Variants in CRYBG1 observed in about 807,000 individuals in gnomAD.
CRYBG1 encodes the protein beta/gamma crystallin domain-containing protein 1.
Under a neutral mutation model 189.2 loss-of-function variants are expected in CRYBG1, and 139 were observed. The ratio of observed to expected loss-of-function variants is 0.73; its 90% CI spans 0.64 to 0.85. CRYBG1 has a LOEUF of 0.85. CRYBG1 is among the 40% of genes least tolerant of loss of function. The probability of loss-of-function intolerance (pLI) is 0.00; values close to 1 mark genes in which losing one functional copy is unlikely to be tolerated. For synonymous variants in CRYBG1, 1,023 were observed against 1,017.1 expected (o/e 1.01, Z -0.11); for missense variants, 2,611 against 2,675.8 (o/e 0.98, Z 0.53).
chr6:106,509,810 C>T (rs920776616), intron 2 of CRYBG1, among the ~76,000 whole-genome samples: 1 of 151,982 alleles, frequency 6.6e-6, no homozygotes, highest in East Asian at 1.9e-4. Context: ...GCTCTGACCG[C>T]CTCTCCCCCC....
At position 106,433,773 on chromosome 6, in the gene CRYBG1, GTA is replaced by G. The variant is rs1318647942; in HGVS notation, c.174-17910_174-17909del. On this transcript the variant is annotated intron_variant, in intron 1 of 21. Transcript: ENST00000633556. ...TATATATATGTGTATATATATATAT[GTA>G]TATATATATAAACATACACACACAT... Among the ~76,000 whole-genome samples the G allele has an allele frequency of 5.8e-3, 213 of 36,442 alleles. 5 individuals are homozygous for G. The highest frequency in any genetic ancestry group is 0.023 in the African/African-American group (202 of 8,726). The allele number at this position is 36,442 out of a possible 152,430, so 23.9% of individuals were successfully genotyped here. A position where few individuals can be genotyped will look rare whatever the true frequency, so the allele number is the denominator to read the frequency against.
At chr6:106,426,120 A>G (rs1223113461) in intron 1 of CRYBG1, among the ~76,000 whole-genome samples, 1 of 142,672 alleles carries the variant, frequency 7.0e-6, no homozygotes, top group Admixed American at 6.7e-5. Flanking sequence ...TAAATATATC[A>G]TATAGAATCC....
At chr6:106,550,432 T>C (rs1392765480) in intron 13 of CRYBG1, among the ~76,000 whole-genome samples, 1 of 152,220 alleles carries the variant, frequency 6.6e-6, no homozygotes, top group East Asian at 1.9e-4. Flanking sequence ...ATCTCTTTAA[T>C]ATAACAGAAC....
chr6:106,547,988 G>A (rs1616375), intron 13 of CRYBG1, among the ~76,000 whole-genome samples: 124,823 of 152,178 alleles, frequency 0.82, 51,851 homozygotes, highest in South Asian at 0.95. Flanking sequence ...AGATGAAAAC[G>A]AAAAGTGTTG....
At chr6:106,409,522 CT>C (rs1770886190) in intron 1 of CRYBG1, among the ~76,000 whole-genome samples, 1 of 152,096 alleles carries the variant, frequency 6.6e-6, no homozygotes. Flanking sequence ...GAAAAAACTA[CT>C]TTAAATTTCA....
intron 1 of CRYBG1, among the ~76,000 whole-genome samples, chr6:106,386,402 C>T (rs1770389681): frequency 6.6e-6 from 1 of 152,162 alleles, no homozygotes; most frequent in African/African-American, 2.4e-5. Context: ...AATGGATAGG[C>T]TGTGTGTGGA....
chr6:106,428,525 C>T (rs1771268185), intron 1 of CRYBG1, among the ~76,000 whole-genome samples: 1 of 152,120 alleles, frequency 6.6e-6, no homozygotes, highest in African/African-American at 2.4e-5. Flanking sequence ...ACGAGGTTTG[C>T]AGTTGACAAA....
At chr6:106,495,190 C>T (rs1772817888) in intron 2 of CRYBG1, among the ~76,000 whole-genome samples, 2 of 152,204 alleles carry the variant, frequency 1.3e-5, no homozygotes, top group Admixed American at 1.3e-4. Context: ...CAGTCAGTGT[C>T]TGTCATTCAG....
chr6:106,484,661 G>A (rs372755305), intron 2 of CRYBG1, among the ~76,000 whole-genome samples: 2 of 152,070 alleles, frequency 1.3e-5, no homozygotes, highest in East Asian at 3.9e-4. Context: ...GGCTACTCAG[G>A]TTCTTTTGTG....
chr6:106,553,376 T>G, intron 15 of CRYBG1, 79 bp from the exon 16 acceptor site: 2 of 912,146 alleles, frequency 2.2e-6, no homozygotes, highest in Middle Eastern at 2.4e-4. Flanking sequence ...AGGTCATGTT[T>G]AGGTCATCAT....
intron 2 of CRYBG1, among the ~76,000 whole-genome samples, chr6:106,493,189 G>A (rs1469290676): frequency 6.6e-6 from 1 of 152,000 alleles, no homozygotes; most frequent in Admixed American, 6.6e-5. Flanking sequence ...TAAAAAATGG[G>A]CAAAAGACTT....
chr6:106,503,088 G>A (rs1237962732), intron 2 of CRYBG1, among the ~76,000 whole-genome samples: 1 of 152,168 alleles, frequency 6.6e-6, no homozygotes, highest in Non-Finnish European at 1.5e-5. Context: ...AGAGAACAGC[G>A]GCGGAAGTGG....
At chr6:106,479,913 T>G (rs1013477557) in intron 2 of CRYBG1, among the ~76,000 whole-genome samples, 3 of 152,232 alleles carry the variant, frequency 2.0e-5, no homozygotes, top group Non-Finnish European at 4.4e-5. Context: ...AGTTTTTAAT[T>G]TAGATGAAAT....
At chr6:106,367,100 G>A (rs1215035567) in intron 1 of CRYBG1, among the ~76,000 whole-genome samples, 3 of 152,174 alleles carry the variant, frequency 2.0e-5, no homozygotes, top group African/African-American at 2.4e-5. Flanking sequence ...GGATTTTGGA[G>A]TCTGAGTTTA....
rs1774702706 is a variant in CRYBG1 at position 106,561,023 on chromosome 6, A to G, written c.5979+97A>G. On this transcript the variant is annotated intron_variant, in intron 19 of 21. Coordinates refer to ENST00000633556, the MANE Select transcript of CRYBG1 (RefSeq NM_001371242.2). The stretch of plus-strand genomic sequence containing the variant: ...TATCCAATTTTTTTATTCAAAGTTT[A>G]TAACTGGCCTCACCCTATAAACTCC... The G allele has an allele frequency of 3.0e-6, 4 of 1,336,630 alleles. No homozygotes were observed. The Admixed American group carries it at 9.9e-5, about 33-fold the overall frequency. 82.8% of individuals were successfully genotyped at this position (1,336,630 alleles called of 1,614,324 possible).
At chr6:106,411,262 TTAGAC>T (rs1770923645) in intron 1 of CRYBG1, among the ~76,000 whole-genome samples, 1 of 152,170 alleles carries the variant, frequency 6.6e-6, no homozygotes, top group Non-Finnish European at 1.5e-5. Flanking sequence ...TAATAAAATG[TTAGAC>T]TAATATTGAC....
At chr6:106,507,403 C>T (rs955609079) in intron 2 of CRYBG1, among the ~76,000 whole-genome samples, 2 of 152,174 alleles carry the variant, frequency 1.3e-5, no homozygotes, top group Admixed American at 6.5e-5. Flanking sequence ...CAAAGGAGGA[C>T]CCAGGATTGC....
chr6:106,361,987 C>CTTTCTTTCTTTCTTTCTTTCTTTCTT (rs1771882848), intron 1 of CRYBG1, among the ~76,000 whole-genome samples: 2 of 10,608 alleles, frequency 1.9e-4, no homozygotes, highest in African/African-American at 4.7e-4. Context: ...TTTTTTTTTT[C>CTTTCTTTCTTTCTTTCTTTCTTTCTT]TGAGACGGAG....
At chr6:106,453,028 GT>G (rs1299402584) in intron 2 of CRYBG1, among the ~76,000 whole-genome samples, 1 of 152,146 alleles carries the variant, frequency 6.6e-6, no homozygotes, top group African/African-American at 2.4e-5. Flanking sequence ...TATATTAACG[GT>G]TTAAAAAATT....
Sources: gnomAD v4.1 joint callset for allele counts (sites outside exome capture counted in the v4.1 genomes callset) on GRCh38, gnomAD v4.1.1 for gene constraint, MANE v1.5 for transcripts, NCBI Gene and HGNC (gene_info 2026-07-23, HGNC 2026-07-21) for gene names.